The following HMCN1 variants were observed in gnomAD, a reference collection of about 807,000 sequenced individuals.
HMCN1 encodes hemicentin 1, also known as hemicentin-1.
HMCN1 carries 321 observed loss-of-function variants against 625.9 expected under a neutral mutation model. The ratio of observed to expected loss-of-function variants is 0.51; its 90% CI spans 0.47 to 0.56. The LOEUF is 0.56. HMCN1 is among the 20% of genes least tolerant of loss of function. The pLI, the probability that HMCN1 is intolerant of heterozygous loss-of-function variation, is 0.00. For synonymous variants in HMCN1, 2,425 were observed against 2,417.6 expected (o/e 1.00, Z -0.09); for missense variants, 6,588 against 6,887.3 (o/e 0.96, Z 1.54).
At chr1:186,163,140 G>C (rs1346452195) in intron 97 of HMCN1, among the ~76,000 whole-genome samples, 11 of 152,198 alleles carry the variant, frequency 7.2e-5, no homozygotes, top group Admixed American at 7.2e-4. Flanking sequence ...CCTCACTGCT[G>C]CCTTGCAGTT....
At chr1:186,175,296 T>C (rs1652489892) in intron 103 of HMCN1, among the ~76,000 whole-genome samples, 1 of 152,230 alleles carries the variant, frequency 6.6e-6, no homozygotes, top group Non-Finnish European at 1.5e-5. Context: ...CCTTAGAATA[T>C]TCAATTGCAC....
intron 17 of HMCN1, among the ~76,000 whole-genome samples, chr1:185,981,326 G>GCA (rs58305455): frequency 0.013 from 1,888 of 147,732 alleles, 10 homozygotes; most frequent in East Asian, 0.014. Flanking sequence ...ATACACACAT[G>GCA]CACACACACA....
At chr1:185,941,365 A>G (rs926850427) in intron 11 of HMCN1, among the ~76,000 whole-genome samples, 6 of 152,204 alleles carry the variant, frequency 3.9e-5, no homozygotes, top group African/African-American at 1.4e-4. Flanking sequence ...CTTAACAAGC[A>G]TCTACCACAT....
intron 100 of HMCN1, 37 bp downstream of exon 100, chr1:186,166,979 A>T: frequency 6.2e-7 from 1 of 1,613,694 alleles, no homozygotes; most frequent in Non-Finnish European, 8.5e-7. Flanking sequence ...TGTTCATGAC[A>T]GTAAGAATTA....
intron 71 of HMCN1, among the ~76,000 whole-genome samples, chr1:186,112,225 A>G (rs1416288490): frequency 1.3e-5 from 2 of 152,208 alleles, no homozygotes; most frequent in Non-Finnish European, 2.9e-5. Context: ...GTTTTCCTCT[A>G]AGTTAACCAA....
rs10911818 is a variant in HMCN1 at position 186,095,790 on chromosome 1, C to G, written c.10573+269C>G. 1.5e-3 allele frequency among the ~76,000 whole-genome samples: 231 copies of G among 152,180 alleles called. 1 individual carries two copies. Among genetic ancestry groups the G allele is most frequent in the African/African-American group, 5.4e-3 (223 of 41,530 alleles). On this transcript the variant is annotated intron_variant, in intron 68 of 106. Coordinates refer to ENST00000271588, the MANE Select transcript of HMCN1 (RefSeq NM_031935.3). Reference sequence around the variant, plus strand: ...TAAAACCTTATAACCAATTGAGAAGCAGCTTTTTAAACTTTTGCCAAGAAT... The same window carrying G: ...TAAAACCTTATAACCAATTGAGAAGGAGCTTTTTAAACTTTTGCCAAGAAT...
intron 1 of HMCN1, among the ~76,000 whole-genome samples, chr1:185,763,155 A>C (rs545667708): frequency 5.3e-5 from 8 of 152,272 alleles, no homozygotes; most frequent in African/African-American, 1.7e-4. Context: ...TTCTGCGGCA[A>C]AATGTGAGGG....
intron 24 of HMCN1, 50 bp downstream of exon 24, chr1:185,995,137 A>G (rs1652700255): frequency 1.3e-6 from 2 of 1,534,742 alleles, no homozygotes; most frequent in East Asian, 4.5e-5. Context: ...GGAGTGAGAG[A>G]AAAGCCCTAG....
intron 2 of HMCN1, among the ~76,000 whole-genome samples, chr1:185,859,981 T>C (rs1662762257): frequency 6.6e-6 from 1 of 152,116 alleles, no homozygotes; most frequent in Admixed American, 6.6e-5. Flanking sequence ...TCATAGATCA[T>C]TTTAATGGCC....
chr1:186,001,700 T>C lies in HMCN1; in HGVS notation c.4307T>C (p.Ile1436Thr), dbSNP rs1653212129. ...AGATATTCCTGCAAAGCAATTAATATTGCAGGCACTTCTCAGAAGTACTTT... is the reference window on the plus strand; with the variant it reads ...AGATATTCCTGCAAAGCAATTAATACTGCAGGCACTTCTCAGAAGTACTTT... ...AGRYSCKAIN[I>T]AGTSQKYFNI... The change falls in exon 28 of 107, where the codon ATT (isoleucine) becomes ACT (threonine). Residue 1436 changes from isoleucine to threonine, a missense_variant. Physicochemically the swap from Ile to Thr is moderately conservative, Grantham distance 89. Around this residue, in one of 3 missense-constraint regions of HMCN1, gnomAD observed 4,628 missense variants for 4,853.1 expected, o/e 0.95. Coordinates refer to ENST00000271588, the MANE Select transcript of HMCN1 (RefSeq NM_031935.3). 1 of 1,612,602 alleles carries C rather than the reference T, an allele frequency of 6.2e-7. No individual in the cohort carries two copies. The highest frequency in any genetic ancestry group is 1.1e-5 in the South Asian group (1 of 91,042).
chr1:186,115,306 A>G lies in HMCN1; in HGVS notation c.11453A>G (p.Asn3818Ser), dbSNP rs1661082992. ...PGPTNMTVIV[N>S]VQTTLACEAT... ...CCTACCAACATGACTGTAATAGTAA[A>G]TGTTCAAACTACTCTGGCTTGTGAG... Residue 3818 changes from asparagine (N) to serine (S), a missense_variant, in exon 75 of 107, where the codon AAT becomes AGT. By Grantham distance (46) the Asn-to-Ser change is conservative. Transcript: ENST00000271588. The G allele has an allele frequency of 6.2e-7, 1 of 1,614,050 alleles. No homozygotes were observed. The highest frequency in any genetic ancestry group is 8.5e-7 in the Non-Finnish European group (1 of 1,179,974).
chr1:186,098,167 C>G (rs1035949204), intron 68 of HMCN1, among the ~76,000 whole-genome samples: 2 of 151,850 alleles, frequency 1.3e-5, no homozygotes, highest in African/African-American at 4.8e-5. Context: ...GATAAGAACT[C>G]AAAAGCATGG....
intron 13 of HMCN1, among the ~76,000 whole-genome samples, chr1:185,964,264 GTATAA>G (rs1212500616): frequency 2.0e-4 from 30 of 152,096 alleles, no homozygotes; most frequent in African/African-American, 6.7e-4. Context: ...TAAAAACTGT[GTATAA>G]TATAATTTTT....
At chr1:185,962,737 C>G in intron 12 of HMCN1, 78 bp downstream of exon 12, 2 of 836,420 alleles carry the variant, frequency 2.4e-6, no homozygotes, top group South Asian at 2.7e-5. Flanking sequence ...CTAATATGAC[C>G]AAATCCCTAA....
chr1:185,919,783 A>G (rs1666909695), intron 6 of HMCN1, among the ~76,000 whole-genome samples: 1 of 152,236 alleles, frequency 6.6e-6, no homozygotes, highest in South Asian at 2.1e-4. Context: ...TGAGCAAGTC[A>G]CTTAACCTCT....
intron 35 of HMCN1, among the ~76,000 whole-genome samples, chr1:186,020,759 T>A (rs994519423): frequency 1.5e-4 from 23 of 151,810 alleles, no homozygotes; most frequent in Admixed American, 5.3e-4. Context: ...CGGAGTAGAG[T>A]GGTTCAAGAA....
chr1:185,841,407 T>C (rs1355290121), intron 1 of HMCN1, among the ~76,000 whole-genome samples: 1 of 152,230 alleles, frequency 6.6e-6, no homozygotes, highest in East Asian at 1.9e-4. Flanking sequence ...CCATTTTGGT[T>C]ACATAGGAAA....
intron 50 of HMCN1, among the ~76,000 whole-genome samples, chr1:186,069,297 A>G (rs1473418987): frequency 2.0e-5 from 3 of 152,228 alleles, no homozygotes; most frequent in Non-Finnish European, 4.4e-5. Flanking sequence ...ACTTTGCTTC[A>G]GCACAATTAA....
chr1:186,162,006 C>A (rs1651522254), intron 97 of HMCN1, among the ~76,000 whole-genome samples: 2 of 152,186 alleles, frequency 1.3e-5, no homozygotes, highest in South Asian at 2.1e-4. Context: ...TAATATCCTG[C>A]AGAGTGTTTT....
Sources: allele counts gnomAD v4.1 joint callset (sites outside exome capture counted in the v4.1 genomes callset), GRCh38; gene constraint gnomAD v4.1.1; regional missense constraint gnomAD v4.1.1; transcripts MANE v1.5; gene names NCBI Gene and HGNC (gene_info 2026-07-23, HGNC 2026-07-21).